The following KDM3A variants were observed in gnomAD, a reference collection of about 807,000 sequenced individuals.
KDM3A encodes lysine-specific demethylase 3A.
A neutral mutation model predicts 158.0 loss-of-function variants in KDM3A; 60 were observed. The observed-to-expected ratio is 0.38, with a 90% CI of 0.31 to 0.47. The LOEUF (loss-of-function observed/expected upper bound fraction) is 0.47, where lower values mean the gene tolerates loss of function less well. KDM3A is among the 20% of genes least tolerant of loss of function. KDM3A has a pLI of 0.99. For missense variants in KDM3A, 1,319 were observed against 1,574.3 expected (o/e 0.84, Z 2.74); for synonymous variants, 608 against 549.3 (o/e 1.11, Z -1.49).
intron 20 of KDM3A, among the ~76,000 whole-genome samples, chr2:86,485,413 C>T (rs1038471755): frequency 6.6e-6 from 1 of 152,210 alleles, no homozygotes; most frequent in African/African-American, 2.4e-5. Context: ...ATTTTCCTGA[C>T]TGAGCTTGAA....
intron 4 of KDM3A, among the ~76,000 whole-genome samples, chr2:86,453,308 T>G (rs751771987): frequency 1.1e-4 from 16 of 152,170 alleles, no homozygotes; most frequent in Non-Finnish European, 2.1e-4. Flanking sequence ...CAGAGAATTA[T>G]CTTGTAGATA....
chr2:86,440,330 G>A (rs1016041810), upstream of KDM3A, among the ~76,000 whole-genome samples: 4 of 152,114 alleles, frequency 2.6e-5, no homozygotes, highest in Non-Finnish European at 4.4e-5. Flanking sequence ...AAAATGGGAG[G>A]CATGAGTTCT....
intron 15 of KDM3A, chr2:86,479,013 A>AAT (rs1673799452): frequency 4.1e-6 from 1 of 241,752 alleles, no homozygotes; most frequent in Non-Finnish European, 7.9e-6. Flanking sequence ...TCTACCTAAT[A>AAT]AGTAGCTGTC....
intron 10 of KDM3A, among the ~76,000 whole-genome samples, chr2:86,468,257 G>A (rs1173028417): frequency 6.6e-6 from 1 of 152,168 alleles, no homozygotes; most frequent in African/African-American, 2.4e-5. Context: ...AGTTAATATA[G>A]CTGTTAATTT....
chr2:86,442,093 A>T lies in KDM3A; in HGVS notation c.46A>T (p.Arg16Trp), dbSNP rs774584950. ...GESWPVLVGR[R>W]FLSLSAADGS... The stretch of plus-strand genomic sequence containing the variant: ...AAGTTGGCCGGTATTGGTGGGGAGG[A>T]GGTTTCTCAGTCTGTCCGCAGCCGA... Residue 16 changes from arginine (R) to tryptophan (W), a missense_variant, in exon 2 of 26, where the codon AGG becomes TGG. Arg to Trp is a moderately radical substitution (Grantham distance 101). This residue lies in a region of KDM3A where 652 missense variants were observed against 627.2 expected (regional missense o/e 1.04). Transcript: ENST00000312912. The T allele has an allele frequency of 3.1e-6, 5 of 1,613,840 alleles. No homozygotes were observed. Among genetic ancestry groups the T allele is most frequent in the South Asian group, 1.1e-5 (1 of 91,074 alleles).
chr2:86,476,093 CT>C (rs1369139293), intron 12 of KDM3A, among the ~76,000 whole-genome samples: 4 of 152,130 alleles, frequency 2.6e-5, no homozygotes, highest in African/African-American at 9.7e-5. Flanking sequence ...ACTTTTCCCC[CT>C]GTAGTCTGTT....
At chr2:86,463,048 GCT>G (rs1672989086) in intron 8 of KDM3A, among the ~76,000 whole-genome samples, 9 of 152,146 alleles carry the variant, frequency 5.9e-5, no homozygotes, top group Admixed American at 5.9e-4. Flanking sequence ...CCAAGATGGC[GCT>G]GCTGCACTCT....
intron 4 of KDM3A, among the ~76,000 whole-genome samples, chr2:86,451,911 A>G (rs1672487588): frequency 6.6e-6 from 1 of 152,248 alleles, no homozygotes; most frequent in African/African-American, 2.4e-5. Flanking sequence ...ATGTGCATGC[A>G]TACATAGACA....
At chr2:86,487,360 A>G (rs1674230191) in intron 21 of KDM3A, 1 of 152,180 alleles carries the variant, frequency 6.6e-6, no homozygotes, top group Non-Finnish European at 1.5e-5. Context: ...AACACCTTAT[A>G]TCTTATTGTA....
At chr2:86,481,398 G>A (rs181226687) in intron 16 of KDM3A, among the ~76,000 whole-genome samples, 4 of 152,078 alleles carry the variant, frequency 2.6e-5, no homozygotes, top group African/African-American at 4.8e-5. Flanking sequence ...GATTATAGAC[G>A]CCTGCCACCA....
intron 19 of KDM3A, chr2:86,484,667 A>G (rs548122175): frequency 2.1e-5 from 8 of 380,050 alleles, no homozygotes; most frequent in Non-Finnish European, 3.8e-5. Flanking sequence ...AGGCCCTGAC[A>G]CAGATCCATT....
At chr2:86,474,292 T>C (rs1038776484) in intron 11 of KDM3A, among the ~76,000 whole-genome samples, 2 of 152,218 alleles carry the variant, frequency 1.3e-5, no homozygotes, top group Admixed American at 6.5e-5. Flanking sequence ...CCTACTGACA[T>C]TGCCAAATAA....
chr2:86,468,751 C>CA (rs1673268264), intron 10 of KDM3A, among the ~76,000 whole-genome samples: 1 of 152,130 alleles, frequency 6.6e-6, no homozygotes, highest in South Asian at 2.1e-4. Context: ...AAACTGGAGT[C>CA]AAACAGCTGC....
In KDM3A at chr2:86,456,847, G is replaced by C; in HGVS notation, c.724G>C (p.Glu242Gln). The C allele has an allele frequency of 6.2e-7, 1 of 1,612,456 alleles. No individual in the cohort carries two copies. Among genetic ancestry groups the C allele is most frequent in the Non-Finnish European group, 8.5e-7 (1 of 1,178,842 alleles). ...KIVDPSLIHV[E>Q]VVHDNLVTCG... is the part of the protein sequence containing the mutation. ...TGTTGATCCGTCACTGATTCATGTT[G>C]AAGTTGTACACGATAACCTTGTGAC... Residue 242 changes from glutamate to glutamine, a missense_variant, in exon 7 of 26, where the codon GAA (glutamate) becomes CAA (glutamine). Transcript: ENST00000312912.
At chr2:86,450,810 C>G (rs1035194830) in intron 3 of KDM3A, among the ~76,000 whole-genome samples, 6 of 152,032 alleles carry the variant, frequency 3.9e-5, no homozygotes, top group Non-Finnish European at 8.8e-5. Flanking sequence ...GCCTGTCTCC[C>G]CAGAGAAGTG....
intron 5 of KDM3A, among the ~76,000 whole-genome samples, chr2:86,455,435 T>C (rs942252485): frequency 1.3e-5 from 2 of 151,938 alleles, no homozygotes; most frequent in Non-Finnish European, 2.9e-5. Flanking sequence ...GTATTTTTAG[T>C]AGAGACAAGA....
At position 86,455,191 on chromosome 2, in the gene KDM3A, T is replaced by G; in HGVS notation, c.556+4T>G. Reference sequence around the variant, plus strand: ...GATGAAAGCCATCTTTTAAAAGGTATATGCATTATCTAGTGGTGATAGTTC... The same window carrying G: ...GATGAAAGCCATCTTTTAAAAGGTAGATGCATTATCTAGTGGTGATAGTTC... On this transcript the variant is annotated splice_donor_region_variant and intron_variant, in intron 5 of 25. Coordinates refer to ENST00000312912, the MANE Select transcript of KDM3A (RefSeq NM_018433.6). 6.6e-7 allele frequency: 1 copy of G among 1,513,354 alleles called. No homozygotes were observed. The highest frequency in any genetic ancestry group is 1.1e-5 in the South Asian group (1 of 87,632). 93.7% of individuals were successfully genotyped at this position (1,513,354 alleles called of 1,614,324 possible).
At chr2:86,454,684 G>A (rs1203893211) in intron 4 of KDM3A, among the ~76,000 whole-genome samples, 1 of 152,040 alleles carries the variant, frequency 6.6e-6, no homozygotes, top group Non-Finnish European at 1.5e-5. Flanking sequence ...TGTCATATCT[G>A]TGTTTTTTGT....
At chr2:86,471,341 GTATATA>G in intron 11 of KDM3A, among the ~76,000 whole-genome samples, 1 of 150,182 alleles carries the variant, frequency 6.7e-6, no homozygotes, top group Non-Finnish European at 1.5e-5. Flanking sequence ...GTGTATATAT[GTATATA>G]TGTGTGTGTG....
Sources: allele counts gnomAD v4.1 joint callset (sites outside exome capture counted in the v4.1 genomes callset), GRCh38; gene constraint gnomAD v4.1.1; regional missense constraint gnomAD v4.1.1; transcripts MANE v1.5; gene names NCBI Gene and HGNC (gene_info 2026-07-23, HGNC 2026-07-21).